Variants in ENPP1 observed in about 807,000 individuals in gnomAD.
ENPP1 encodes ectonucleotide pyrophosphatase/phosphodiesterase family member 1.
A neutral mutation model predicts 122.8 loss-of-function variants in ENPP1; 73 were observed. The ratio of observed to expected loss-of-function variants is 0.59; its 90% CI spans 0.49 to 0.72. ENPP1 has a LOEUF of 0.72. Ranked by LOEUF, ENPP1 falls within the 30% of genes least tolerant of loss-of-function variation. The pLI, the probability that ENPP1 is intolerant of heterozygous loss-of-function variation, is 0.00. For synonymous variants in ENPP1, 367 were observed against 391.6 expected, an observed-to-expected ratio of 0.94 and a Z score of 0.74; for missense variants, 978 against 1,128.1, an observed-to-expected ratio of 0.87 and a Z score of 1.91.
chr6:131,864,399 C>T (rs540620440), intron 9 of ENPP1, 107 bp from the exon 10 acceptor site: 93 of 732,716 alleles, frequency 1.3e-4, no homozygotes, highest in East Asian at 1.3e-4. Context: ...ACAATAGATG[C>T]GAAATAGCAT....
In ENPP1 at chr6:131,875,772, C is replaced by G. The variant is rs764653574; in HGVS notation, c.1636-4C>G. ...CTGATAAACTTCCTTTTCTGGCCAT[C>G]TAGGCCCTCTTTGTTGGCTATGGAC... On this transcript the variant is annotated splice_region_variant and splice_polypyrimidine_tract_variant and intron_variant, in intron 16 of 24. Coordinates refer to ENST00000647893, the MANE Select transcript of ENPP1 (RefSeq NM_006208.3). 2 of 1,613,248 alleles carry G rather than the reference C, an allele frequency of 1.2e-6. No homozygotes were observed. Among genetic ancestry groups the G allele is most frequent in the South Asian group, 2.2e-5 (2 of 91,066 alleles).
In ENPP1 at chr6:131,851,221, C is replaced by A; in HGVS notation, c.510C>A (p.Cys170Ter). 1 of 1,614,090 alleles carries A rather than the reference C, an allele frequency of 6.2e-7. No homozygotes were observed. Among genetic ancestry groups the A allele is most frequent in the East Asian group, 2.2e-5 (1 of 44,866 alleles). Residue 170 changes from cysteine (C) to a stop codon, truncating the protein, a stop_gained, in exon 4 of 25, where the codon TGC becomes TGA. Transcript: ENST00000647893. LOFTEE classifies it high-confidence loss of function. ...GCCTCTGTGCCTGTTCAGATGACTG[C>A]AAGGACAAGGGCGACTGCTGCATCA... ...TRSLCACSDD[C>*]KDKGDCCINY...
Position 131,891,284 on chromosome 6 carries a change from T to C in ENPP1, c.*773T>C, listed in dbSNP as rs1015876921. The stretch of plus-strand genomic sequence containing the variant: ...TAAAATGGCTTCAAATGTGGCCCTA[T>C]AGACGGTTAAAATTGTACCTTATCT... On this transcript the variant is annotated 3_prime_UTR_variant, in exon 25 of 25. Transcript: ENST00000647893. 7 of 152,264 alleles carry C rather than the reference T, an allele frequency of 4.6e-5. No homozygotes were observed. The highest frequency in any genetic ancestry group is 1.0e-4 in the Non-Finnish European group (7 of 68,066). The allele number at this position is 152,264 out of a possible 1,614,324, so 9.4% of individuals were successfully genotyped here.
chr6:131,846,889 T>C (rs1665249732), intron 1 of ENPP1, among the ~76,000 whole-genome samples: 1 of 152,218 alleles, frequency 6.6e-6, no homozygotes, highest in African/African-American at 2.4e-5. Context: ...TTAGGGGTTG[T>C]AGGGTGTGTC....
chr6:131,858,458 T>C (rs1162837453), intron 6 of ENPP1, among the ~76,000 whole-genome samples: 1 of 152,234 alleles, frequency 6.6e-6, no homozygotes, highest in Non-Finnish European at 1.5e-5. Flanking sequence ...TTTTAATGTT[T>C]TTCTGACTAA....
intron 1 of ENPP1, among the ~76,000 whole-genome samples, chr6:131,816,227 A>G (rs1209158103): frequency 6.6e-6 from 1 of 152,154 alleles, no homozygotes; most frequent in African/African-American, 2.4e-5. Context: ...ATCATGATTT[A>G]TAACTTCTTT....
intron 1 of ENPP1, chr6:131,819,939 CTTTT>C (rs35498599): frequency 6.1e-5 from 27 of 440,932 alleles, no homozygotes; most frequent in Admixed American, 1.2e-4. Flanking sequence ...TCCATAGCTT[CTTTT>C]TTTTTTTTTT....
chr6:131,840,648 G>T (rs1408273916), intron 1 of ENPP1, among the ~76,000 whole-genome samples: 1 of 152,196 alleles, frequency 6.6e-6, no homozygotes, highest in Non-Finnish European at 1.5e-5. Context: ...GCTTAGTGAG[G>T]ATTTGAAACA....
In ENPP1 at chr6:131,872,962, C is replaced by T. The variant is rs780341851; in HGVS notation, c.1477C>T (p.His493Tyr). 2 of 1,613,800 alleles carry T rather than the reference C, an allele frequency of 1.2e-6. No homozygotes were observed. Among genetic ancestry groups the T allele is most frequent in the Non-Finnish European group, 1.7e-6 (2 of 1,179,760 alleles). The change falls in exon 15 of 25, where the codon CAT (histidine) becomes TAT (tyrosine). Residue 493 changes from histidine to tyrosine, a missense_variant. Transcript: ENST00000647893. The stretch of plus-strand genomic sequence containing the variant: ...CCAGCACTTCAAACCTTACCTGAAA[C>T]ATTTCTTACCTAAGCGTTTGCACTT... ...PNQHFKPYLK[H>Y]FLPKRLHFAK...
intron 9 of ENPP1, among the ~76,000 whole-genome samples, chr6:131,863,859 T>C (rs1352051302): frequency 6.6e-6 from 1 of 151,796 alleles, no homozygotes; most frequent in Non-Finnish European, 1.5e-5. Flanking sequence ...GAGATTGCAG[T>C]GAACTGAGAC....
intron 1 of ENPP1, among the ~76,000 whole-genome samples, chr6:131,834,235 A>C (rs1447351816): frequency 1.3e-5 from 2 of 152,208 alleles, no homozygotes; most frequent in Admixed American, 1.3e-4. Context: ...GTTAAATTTT[A>C]TCTTTTTCTT....
At chr6:131,838,976 A>C (rs542255864) in intron 1 of ENPP1, among the ~76,000 whole-genome samples, 1 of 152,306 alleles carries the variant, frequency 6.6e-6, no homozygotes, top group East Asian at 1.9e-4. Flanking sequence ...ACAAATTAAT[A>C]AACTTCTTAC....
chr6:131,877,287 T>C, intron 18 of ENPP1, 126 bp downstream of exon 18: 1 of 908,472 alleles, frequency 1.1e-6, no homozygotes, highest in Non-Finnish European at 1.8e-6. Flanking sequence ...AACATATGTT[T>C]TAATTCTAGG....
intron 11 of ENPP1, among the ~76,000 whole-genome samples, 182 bp from the exon 12 acceptor site, chr6:131,867,832 CCTGT>C (rs1175555780): frequency 6.6e-6 from 1 of 152,054 alleles, no homozygotes; most frequent in Admixed American, 6.6e-5. Flanking sequence ...CTGACCCTGA[CCTGT>C]CTTAGTCTAA....
chr6:131,853,265 T>C (rs899446385), intron 5 of ENPP1, among the ~76,000 whole-genome samples: 4 of 152,300 alleles, frequency 2.6e-5, no homozygotes, highest in African/African-American at 9.6e-5. Context: ...GAAGAGCCTT[T>C]TTTTAAGGAA....
intron 16 of ENPP1, among the ~76,000 whole-genome samples, chr6:131,874,654 G>T (rs1782204829): frequency 6.6e-6 from 1 of 151,958 alleles, no homozygotes; most frequent in Non-Finnish European, 1.5e-5. Context: ...AAATAAAAAT[G>T]AAACTACCCC....
chr6:131,829,855 A>G (rs1781588634), intron 1 of ENPP1, among the ~76,000 whole-genome samples: 1 of 152,214 alleles, frequency 6.6e-6, no homozygotes, highest in Non-Finnish European at 1.5e-5. Flanking sequence ...CACCCGGAGC[A>G]GGGAGGACAA....
At chr6:131,869,990 G>A (rs1024420295) in intron 13 of ENPP1, among the ~76,000 whole-genome samples, 12 of 152,020 alleles carry the variant, frequency 7.9e-5, no homozygotes, top group African/African-American at 2.2e-4. Flanking sequence ...TTATGGGACT[G>A]GATGCGAGAA....
chr6:131,871,815 A>T (rs9493115), intron 13 of ENPP1, among the ~76,000 whole-genome samples: 2 of 152,142 alleles, frequency 1.3e-5, no homozygotes, highest in Non-Finnish European at 2.9e-5. Context: ...TAAGAGATGG[A>T]TGGATAGGTA....
Sources: allele counts gnomAD v4.1 joint callset (sites outside exome capture counted in the v4.1 genomes callset), GRCh38; gene constraint gnomAD v4.1.1; transcripts MANE v1.5; gene names NCBI Gene and HGNC (gene_info 2026-07-23, HGNC 2026-07-21).